The following TYW3 variants were observed in gnomAD, a reference collection of about 807,000 sequenced individuals.
The protein encoded by TYW3 is tRNA-yW synthesizing protein 3 homolog.
Under a neutral mutation model 23.1 loss-of-function variants are expected in TYW3, and 26 were observed. The ratio of observed to expected loss-of-function variants is 1.13; its 90% CI spans 0.83 to 1.56. The LOEUF (loss-of-function observed/expected upper bound fraction) is 1.56, where lower values mean the gene tolerates loss of function less well. Ranked by LOEUF, TYW3 falls within the 40% of genes most tolerant of loss-of-function variation. The pLI is 0.00. For synonymous variants in TYW3, 102 were observed against 105.7 expected, an observed-to-expected ratio of 0.97 and a Z score of 0.21; for missense variants, 316 against 311.9, an observed-to-expected ratio of 1.01 and a Z score of -0.10.
chr1:74,745,246 C>T (rs531739945), intron 3 of TYW3, among the ~76,000 whole-genome samples: 1 of 152,310 alleles, frequency 6.6e-6, no homozygotes, highest in East Asian at 1.9e-4. Flanking sequence ...TTGTGAAGAG[C>T]AAAAGAACAA....
At chr1:74,758,375 C>T (rs1649020536) in intron 5 of TYW3, among the ~76,000 whole-genome samples, 2 of 152,348 alleles carry the variant, frequency 1.3e-5, no homozygotes, top group South Asian at 4.1e-4. Flanking sequence ...TATTCTAAAT[C>T]CCCCAGCCGT....
chr1:74,748,635 T>G (rs1648670572), intron 3 of TYW3, 116 bp from the exon 4 acceptor site: 1 of 1,046,968 alleles, frequency 9.6e-7, no homozygotes, highest in African/African-American at 1.6e-5. Flanking sequence ...GACGAAAAAT[T>G]TTTTTAAAAA....
chr1:74,763,836 T>C (rs1348931342), intron 5 of TYW3, 58 bp from the exon 6 acceptor site: 1 of 1,355,828 alleles, frequency 7.4e-7, no homozygotes, highest in Non-Finnish European at 1.0e-6. Flanking sequence ...TCTTGGTGTA[T>C]TTCAGTCATT....
At chr1:74,739,460 A>G (rs1648273966) in intron 3 of TYW3, among the ~76,000 whole-genome samples, 4 of 152,252 alleles carry the variant, frequency 2.6e-5, no homozygotes, top group African/African-American at 2.4e-5. Flanking sequence ...TCACTTGAAG[A>G]TAGGCTTCTC....
chr1:74,745,492 A>G (rs1179572639), intron 3 of TYW3, among the ~76,000 whole-genome samples: 1 of 152,104 alleles, frequency 6.6e-6, no homozygotes, highest in Non-Finnish European at 1.5e-5. Flanking sequence ...CAGAGTGCTG[A>G]TTGGTGCGTT....
chr1:74,759,691 TG>T (rs1274899517), intron 5 of TYW3, among the ~76,000 whole-genome samples: 1 of 152,168 alleles, frequency 6.6e-6, no homozygotes, highest in African/African-American at 2.4e-5. Context: ...TCACCCAGGC[TG>T]GAGTACAGTG....
chr1:74,759,767 C>T (rs1033431868), intron 5 of TYW3, among the ~76,000 whole-genome samples: 4 of 152,128 alleles, frequency 2.6e-5, no homozygotes, highest in African/African-American at 9.7e-5. Context: ...CTCAGCTTCC[C>T]GAGTAGCTGT....
intron 1 of TYW3, among the ~76,000 whole-genome samples, chr1:74,735,223 T>G (rs963629102): frequency 6.6e-6 from 1 of 152,244 alleles, no homozygotes; most frequent in Admixed American, 6.5e-5. Flanking sequence ...CTTACTCTAG[T>G]ATACCTTTCA....
chr1:74,747,865 A>G (rs1648636931), intron 3 of TYW3, among the ~76,000 whole-genome samples: 1 of 120,466 alleles, frequency 8.3e-6, no homozygotes, highest in South Asian at 2.2e-4. Context: ...ATGTATGTAT[A>G]CATACACATA....
intron 3 of TYW3, among the ~76,000 whole-genome samples, chr1:74,746,484 C>A (rs1037670774): frequency 3.3e-5 from 5 of 152,196 alleles, no homozygotes; most frequent in African/African-American, 1.2e-4. Flanking sequence ...TGAGCCCAGC[C>A]ATGCTCTTCT....
At chr1:74,756,184 A>G (rs976914633) in intron 5 of TYW3, among the ~76,000 whole-genome samples, 2 of 152,202 alleles carry the variant, frequency 1.3e-5, no homozygotes, top group African/African-American at 4.8e-5. Flanking sequence ...GGACTAATAC[A>G]GTAAATTGGT....
At chr1:74,739,410 A>G (rs901370128) in intron 3 of TYW3, among the ~76,000 whole-genome samples, 6 of 152,238 alleles carry the variant, frequency 3.9e-5, no homozygotes, top group Non-Finnish European at 8.8e-5. Context: ...CTACCGAAGG[A>G]AAAAACAACC....
intron 2 of TYW3, among the ~76,000 whole-genome samples, chr1:74,738,349 C>G: frequency 6.6e-6 from 1 of 151,974 alleles, no homozygotes; most frequent in East Asian, 2.0e-4. Context: ...CTCAATCTAA[C>G]AAAAAATTTA....
intron 3 of TYW3, among the ~76,000 whole-genome samples, chr1:74,742,563 C>G (rs1222464897): frequency 2.0e-5 from 3 of 152,134 alleles, no homozygotes; most frequent in Non-Finnish European, 1.5e-5. Flanking sequence ...TTCTGCCTGG[C>G]AGCAATTTTA....
intron 4 of TYW3, among the ~76,000 whole-genome samples, chr1:74,750,754 G>C (rs1648753090): frequency 6.7e-6 from 1 of 150,182 alleles, no homozygotes. Context: ...ACAGATAAGT[G>C]GTGCCTCTGG....
At chr1:74,760,541 A>G (rs76708762) in intron 5 of TYW3, among the ~76,000 whole-genome samples, 2,387 of 152,216 alleles carry the variant, frequency 0.016, 29 homozygotes, top group East Asian at 0.05. Context: ...TGGATCTTAT[A>G]ACGGAGAGCA....
chr1:74,755,934 C>A (rs1648936621), intron 5 of TYW3, among the ~76,000 whole-genome samples: 1 of 152,088 alleles, frequency 6.6e-6, no homozygotes, highest in South Asian at 2.1e-4. Flanking sequence ...ATTATGGGGG[C>A]AGGTCTTTCC....
chr1:74,738,524 T>C (rs1648231392), intron 2 of TYW3, among the ~76,000 whole-genome samples, 166 bp from the exon 3 acceptor site: 1 of 152,174 alleles, frequency 6.6e-6, no homozygotes, highest in African/African-American at 2.4e-5. Context: ...AGCAAATAAA[T>C]TTTTGGTGAA....
chr1:74,742,295 G>A (rs538663067), intron 3 of TYW3, among the ~76,000 whole-genome samples: 1 of 152,310 alleles, frequency 6.6e-6, no homozygotes, highest in East Asian at 1.9e-4. Flanking sequence ...ATTTGGCCCT[G>A]TAAATAGGGA....
Sources: gnomAD v4.1 joint callset for allele counts (sites outside exome capture counted in the v4.1 genomes callset) on GRCh38, gnomAD v4.1.1 for gene constraint, MANE v1.5 for transcripts, NCBI Gene and HGNC (gene_info 2026-07-23, HGNC 2026-07-21) for gene names.